FTCDNL1: variants seen among roughly 807,000 people sequenced by gnomAD.
The protein encoded by FTCDNL1 is formiminotransferase cyclodeaminase N-terminal like.
In FTCDNL1, 11 loss-of-function variants were observed where a neutral mutation model predicts 5.9. The observed-to-expected ratio is 1.87, with a 90% confidence interval of 1.18 to 3.10. The LOEUF (loss-of-function observed/expected upper bound fraction) is 3.10, where lower values mean the gene tolerates loss of function less well. FTCDNL1 is among the 30% of genes most tolerant of loss of function. The pLI, the probability that FTCDNL1 is intolerant of heterozygous loss-of-function variation, is 0.00. For missense variants in FTCDNL1, 115 were observed against 65.5 expected, an observed-to-expected ratio of 1.76 and a Z score of -2.61; for synonymous variants, 58 against 24.8, an observed-to-expected ratio of 2.34 and a Z score of -3.99.
the FTCDNL1 span, among the ~76,000 whole-genome samples, chr2:199,681,875 T>C: frequency 4.0e-5 from 6 of 151,492 alleles, no homozygotes; most frequent in East Asian, 9.8e-4. Flanking sequence ...TTCTCTGCTT[T>C]CATAAAGTCT....
At chr2:199,757,045 G>A (rs530816265), downstream of FTCDNL1, among the ~76,000 whole-genome samples, 3 of 152,268 alleles carry the variant, frequency 2.0e-5, no homozygotes, top group Non-Finnish European at 2.9e-5. Context: ...CAAAGAACAC[G>A]ACTAGGAAAG....
At chr2:199,748,861 A>C in the FTCDNL1 span, among the ~76,000 whole-genome samples, 1 of 152,110 alleles carries the variant, frequency 6.6e-6, no homozygotes, top group Admixed American at 6.6e-5. Flanking sequence ...GGAGCTGGAA[A>C]GTTCTCTGGT....
At chr2:199,806,562 C>T (rs904690535), downstream of FTCDNL1, among the ~76,000 whole-genome samples, 1 of 152,298 alleles carries the variant, frequency 6.6e-6, no homozygotes, top group Admixed American at 6.5e-5. Context: ...TTGTTGACCA[C>T]GGACGCCACT....
intron 3 of FTCDNL1, among the ~76,000 whole-genome samples, chr2:199,789,284 G>A (rs775207074): frequency 2.6e-5 from 4 of 152,066 alleles, no homozygotes; most frequent in Non-Finnish European, 4.4e-5. Flanking sequence ...ATGATATAAC[G>A]AAGAGTAGTT....
chr2:199,715,894 C>A, the FTCDNL1 span, among the ~76,000 whole-genome samples: 2 of 151,964 alleles, frequency 1.3e-5, no homozygotes, highest in Admixed American at 1.3e-4. Context: ...TCAGATTAAT[C>A]CCGCTCTGAA....
At chr2:199,826,600 G>A (rs1702052957) in intron 3 of FTCDNL1, among the ~76,000 whole-genome samples, 1 of 151,868 alleles carries the variant, frequency 6.6e-6, no homozygotes, top group Non-Finnish European at 1.5e-5. Context: ...GTCAAGCCCA[G>A]CCTGGCCAAC....
intron 3 of FTCDNL1, among the ~76,000 whole-genome samples, chr2:199,781,458 T>C (rs1482170030): frequency 6.6e-6 from 1 of 152,222 alleles, no homozygotes; most frequent in Admixed American, 6.5e-5. Flanking sequence ...TTCCACTTTC[T>C]GGAGCCTTGA....
downstream of FTCDNL1, among the ~76,000 whole-genome samples, chr2:199,804,481 C>T (rs1352458015): frequency 3.3e-5 from 5 of 152,246 alleles, no homozygotes; most frequent in East Asian, 5.8e-4. Context: ...TATGCTACTA[C>T]GCAAAAGACA....
downstream of FTCDNL1, among the ~76,000 whole-genome samples, chr2:199,804,950 C>T (rs1447515558): frequency 6.6e-6 from 1 of 152,206 alleles, no homozygotes; most frequent in Non-Finnish European, 1.5e-5. Context: ...AGCAGGGGTC[C>T]TCAGAGCCTA....
chr2:199,850,582 C>CT (rs1333527033), intron 1 of FTCDNL1, among the ~76,000 whole-genome samples, 158 bp downstream of exon 1: 2 of 152,232 alleles, frequency 1.3e-5, no homozygotes, highest in African/African-American at 2.4e-5. Context: ...CCAAAACACT[C>CT]TGTGTTTGGG....
chr2:199,783,568 A>G (rs544110117), intron 3 of FTCDNL1, among the ~76,000 whole-genome samples: 113 of 152,278 alleles, frequency 7.4e-4, no homozygotes, highest in African/African-American at 2.6e-3. Context: ...TAAATTCTTT[A>G]TATCAGAACA....
chr2:199,804,431 A>T (rs1412949353), downstream of FTCDNL1, among the ~76,000 whole-genome samples: 1 of 152,212 alleles, frequency 6.6e-6, no homozygotes, highest in Non-Finnish European at 1.5e-5. Flanking sequence ...TACTTATTTA[A>T]ATTATATAAT....
chr2:199,709,434 C>T, the FTCDNL1 span, among the ~76,000 whole-genome samples: 1 of 152,002 alleles, frequency 6.6e-6, no homozygotes, highest in Non-Finnish European at 1.5e-5. Context: ...ATCTGTGCTA[C>T]TAGAAAGAGA....
chr2:199,759,139 G>GTATATATATA (rs372109443), downstream of FTCDNL1, among the ~76,000 whole-genome samples: 24 of 151,128 alleles, frequency 1.6e-4, no homozygotes, highest in East Asian at 1.9e-3. Context: ...ATATTTGTGT[G>GTATATATATA]TGTATATATA....
chr2:199,775,725 A>T (rs1699026035), intron 3 of FTCDNL1, among the ~76,000 whole-genome samples: 1 of 152,318 alleles, frequency 6.6e-6, no homozygotes, highest in South Asian at 2.1e-4. Context: ...GAACTTAAGA[A>T]GGAAAAAAGA....
chr2:199,795,017 C>T (rs1700105218), intron 3 of FTCDNL1, among the ~76,000 whole-genome samples: 2 of 152,154 alleles, frequency 1.3e-5, no homozygotes, highest in Non-Finnish European at 2.9e-5. Context: ...GATTCTGGCT[C>T]CATCATTCAA....
the FTCDNL1 span, among the ~76,000 whole-genome samples, chr2:199,707,707 A>C: frequency 2.5e-4 from 38 of 152,102 alleles, no homozygotes; most frequent in African/African-American, 8.7e-4. Flanking sequence ...AAAAATGCCC[A>C]AAAATAAGTA....
chr2:199,716,130 G>C, the FTCDNL1 span, among the ~76,000 whole-genome samples: 1 of 151,274 alleles, frequency 6.6e-6, no homozygotes, highest in East Asian at 1.9e-4. Context: ...TGAATAATTG[G>C]CAGTTCTCTT....
At chr2:199,824,877 C>A (rs1701928381) in intron 3 of FTCDNL1, among the ~76,000 whole-genome samples, 1 of 152,106 alleles carries the variant, frequency 6.6e-6, no homozygotes, top group South Asian at 2.1e-4. Flanking sequence ...ATGGCTCATG[C>A]CTGTAATCCC....
Sources: gnomAD v4.1 joint callset for allele counts (sites outside exome capture counted in the v4.1 genomes callset) on GRCh38, gnomAD v4.1.1 for gene constraint, MANE v1.5 for transcripts, NCBI Gene and HGNC (gene_info 2026-07-23, HGNC 2026-07-21) for gene names.